CFAP46: variants seen among roughly 807,000 people sequenced by gnomAD.
CFAP46 encodes cilia and flagella associated protein 46.
In CFAP46, 245 loss-of-function variants were observed where a neutral mutation model predicts 325.7. The observed-to-expected ratio is 0.75, with a 90% confidence interval of 0.68 to 0.84. The LOEUF (loss-of-function observed/expected upper bound fraction) is 0.84. CFAP46 is among the 40% of genes least tolerant of loss of function. CFAP46 has a pLI of 0.00. For synonymous variants in CFAP46, 1,523 were observed against 1,495.9 expected, an observed-to-expected ratio of 1.02 and a Z score of -0.42; for missense variants, 3,346 against 3,543.0, an observed-to-expected ratio of 0.94 and a Z score of 1.41.
At chr10:132,824,292 A>C (rs111210382) in intron 50 of CFAP46, among the ~76,000 whole-genome samples, 1,764 of 54,976 alleles carry the variant, frequency 0.032, no homozygotes, top group Middle Eastern at 0.093. Context: ...CTGAGTGCTG[A>C]TGTGTGCTGT....
In CFAP46 at chr10:132,832,862, A is replaced by C. The variant is rs974807411; in HGVS notation, c.7117+496T>G. On this transcript the variant is annotated intron_variant, in intron 50 of 57. Coordinates refer to ENST00000368586, the MANE Select transcript of CFAP46 (RefSeq NM_001200049.3). This position sits in a 1 kb window ranked among gnomAD's most constrained non-coding sequence, Gnocchi z 4.1. ...CACATCTGGTCCCCTCCTTTGAAAC[A>C]GGTATTTGTGGGGGCAAGAACAGCG... is the stretch of plus-strand genomic sequence containing the variant. The C allele has an allele frequency of 7.5e-5, 35 of 467,960 alleles. No individual in the cohort carries two copies. Among genetic ancestry groups the C allele is most frequent in the Non-Finnish European group, 1.2e-4 (27 of 224,676 alleles). The allele number at this position is 467,960 out of a possible 1,614,324, so 29.0% of individuals were successfully genotyped here. A position where few individuals can be genotyped will look rare whatever the true frequency, so the allele number is the denominator to read the frequency against.
chr10:132,836,292 C>T (rs1391722300), intron 45 of CFAP46, 74 bp from the exon 46 acceptor site: 3 of 1,449,696 alleles, frequency 2.1e-6, no homozygotes, highest in Non-Finnish European at 2.9e-6. Context: ...GCTCCAGCGA[C>T]CTCAGAGGAG....
At chr10:132,907,413 A>G (rs1285885997) in intron 22 of CFAP46, among the ~76,000 whole-genome samples, 2 of 152,234 alleles carry the variant, frequency 1.3e-5, no homozygotes, top group East Asian at 3.9e-4. Context: ...TGAAAATTAA[A>G]GAATGAGAAT....
At chr10:132,895,729 T>C (rs1849308559) in intron 24 of CFAP46, among the ~76,000 whole-genome samples, 2 of 152,364 alleles carry the variant, frequency 1.3e-5, no homozygotes, top group South Asian at 4.1e-4. Flanking sequence ...CTGAGCTGTG[T>C]GCCCCCAAAA....
At chr10:132,928,507 T>C (rs1188448712) in intron 9 of CFAP46, among the ~76,000 whole-genome samples, 1 of 152,130 alleles carries the variant, frequency 6.6e-6, no homozygotes, top group Non-Finnish European at 1.5e-5. Flanking sequence ...GAACTGCATC[T>C]CCTATTCTGA....
In CFAP46 at chr10:132,889,830, C is replaced by T. The variant is rs965520253; in HGVS notation, c.3304+2503G>A. ...TGCTGAGCTCTGGGCCTCGTGTTTC[C>T]ACAGCACAGCATGGCCGTCCCGCCT... On this transcript the variant is annotated intron_variant, in intron 25 of 57. Coordinates refer to ENST00000368586, the MANE Select transcript of CFAP46 (RefSeq NM_001200049.3). This position sits in a 1 kb window ranked among gnomAD's most constrained non-coding sequence, Gnocchi z 6.0. 6.6e-6 allele frequency among the ~76,000 whole-genome samples: 1 copy of T among 152,224 alleles called. No homozygotes were observed. Among genetic ancestry groups the T allele is most frequent in the African/African-American group, 2.4e-5 (1 of 41,456 alleles).
chr10:132,912,553 CTT>C (rs1490240835), intron 19 of CFAP46, 100 bp downstream of exon 19: 5 of 1,123,104 alleles, frequency 4.5e-6, no homozygotes, highest in South Asian at 1.5e-5. Flanking sequence ...CTCTCTCTCT[CTT>C]CACCTCTCTC....
At chr10:132,812,641 C>A (rs1268821343) in intron 55 of CFAP46, 144 bp downstream of exon 55, 1 of 609,644 alleles carries the variant, frequency 1.6e-6, no homozygotes, top group Non-Finnish European at 2.9e-6. Flanking sequence ...GAGGGGCCTG[C>A]AGTCACAGAG....
intron 38 of CFAP46, 64 bp downstream of exon 38, chr10:132,859,007 G>A: frequency 8.1e-6 from 12 of 1,476,610 alleles, no homozygotes; most frequent in South Asian, 6.7e-5. Context: ...GCAGGATGGC[G>A]CTGGGCGTGT....
chr10:132,902,877 C>T (rs940779627), intron 22 of CFAP46, among the ~76,000 whole-genome samples: 4 of 152,292 alleles, frequency 2.6e-5, no homozygotes, highest in Admixed American at 1.3e-4. Context: ...CACCCCATTG[C>T]TAAGGTGTGT....
Position 132,833,949 on chromosome 10 carries a change from CT to C in CFAP46, c.6949+91del, listed in dbSNP as rs961814496. The C allele has an allele frequency of 9.3e-5, 112 of 1,199,256 alleles. No individual in the cohort carries two copies. The Middle Eastern group carries it at 1.1e-3, about 12-fold the overall frequency. The allele number at this position is 1,199,256 out of a possible 1,614,324, so 74.3% of individuals were successfully genotyped here. On this transcript the variant is annotated intron_variant, in intron 49 of 57. Coordinates refer to ENST00000368586, the MANE Select transcript of CFAP46 (RefSeq NM_001200049.3). ...GGGACTCCTGGGTTCCTGACCCCCC[CT>C]GGCGTTCCCGGATGGGTGGGTGGAT...
chr10:132,893,978 T>G (rs578231336), intron 24 of CFAP46, among the ~76,000 whole-genome samples: 2 of 132,526 alleles, frequency 1.5e-5, no homozygotes, highest in African/African-American at 5.8e-5. Context: ...GTGGGTTCAC[T>G]GCTGGTAACA....
intron 36 of CFAP46, 36 bp from the exon 37 acceptor site, chr10:132,860,559 AG>A (rs1200307474): frequency 6.9e-7 from 1 of 1,452,906 alleles, no homozygotes; most frequent in Admixed American, 2.0e-5. Context: ...GGTGTGTCTG[AG>A]GACAGGCAGG....
chr10:132,819,590 G>A (rs1046040075), intron 50 of CFAP46, among the ~76,000 whole-genome samples: 2 of 152,218 alleles, frequency 1.3e-5, no homozygotes, highest in Non-Finnish European at 2.9e-5. Context: ...AAACCCACAC[G>A]TTCAGGGTCA....
intron 40 of CFAP46, 135 bp downstream of exon 40, chr10:132,850,982 C>A (rs1848531447): frequency 7.1e-6 from 7 of 984,632 alleles, no homozygotes; most frequent in South Asian, 6.2e-5. Context: ...GCTCCCCCTG[C>A]TGCAAGAGGT....
intron 5 of CFAP46, 82 bp downstream of exon 5, chr10:132,938,507 C>G: frequency 5.1e-6 from 7 of 1,364,834 alleles, no homozygotes; most frequent in Non-Finnish European, 7.2e-6. Context: ...CTCCCGTCCC[C>G]CCCCCGGAGA....
intron 50 of CFAP46, among the ~76,000 whole-genome samples, chr10:132,830,152 CTTTT>C (rs545205799): frequency 6.7e-6 from 1 of 150,110 alleles, no homozygotes; most frequent in Non-Finnish European, 1.5e-5. Flanking sequence ...TTTCTTTTTT[CTTTT>C]TTTTTGAGAT....
In CFAP46 at chr10:132,912,757, A is replaced by C. The variant is rs200571172; in HGVS notation, c.2397T>G (p.Ile799Met). The C allele has an allele frequency of 0.019, 29,339 of 1,550,272 alleles. 369 individuals are homozygous for C. The highest frequency in any genetic ancestry group is 0.023 in the Non-Finnish European group (26,230 of 1,146,980). ...TLARGLIISW[I>M]PVQAAEKSRK... ...TGGACTTCTCGGCAGCCTGGACTGG[A>C]ATCCAGCTGATGATCAGGCCTCGCG... Residue 799 changes from isoleucine to methionine, a missense_variant, in exon 19 of 58, where the codon ATT becomes ATG. Coordinates refer to ENST00000368586, the MANE Select transcript of CFAP46 (RefSeq NM_001200049.3).
At position 132,808,451 on chromosome 10, in the gene CFAP46, A is replaced by G; in HGVS notation, c.8118T>C (p.Thr2706=). The G allele has an allele frequency of 1.2e-6, 2 of 1,612,580 alleles. No individual in the cohort carries two copies. Among genetic ancestry groups the G allele is most frequent in the African/African-American group, 1.3e-5 (1 of 75,042 alleles). ...ALVLSCLDQK[T]IQTVSLFLI ...TCAAAAACAGGCTCACGGTCTGAAT[A>G]GTCTTCTGGTCTAAGCAACTCAGCA... Residue 2706 remains threonine (T), a synonymous_variant, in exon 58 of 58, where the codon ACT becomes ACC. Coordinates refer to ENST00000368586, the MANE Select transcript of CFAP46 (RefSeq NM_001200049.3). This position sits in a 1 kb window ranked among gnomAD's most constrained non-coding sequence, Gnocchi z 6.8.
Sources: allele counts gnomAD v4.1 joint callset (sites outside exome capture counted in the v4.1 genomes callset), GRCh38; gene constraint gnomAD v4.1.1; non-coding constraint Gnocchi (gnomAD v3.1); transcripts MANE v1.5; gene names NCBI Gene and HGNC (gene_info 2026-07-23, HGNC 2026-07-21).